KCNMA1: variants seen among roughly 807,000 people sequenced by gnomAD.
The protein encoded by KCNMA1 is Calcium-activated potassium channel subunit alpha-1.
In KCNMA1, 29 loss-of-function variants were observed where a neutral mutation model predicts 140.0. That is an observed-to-expected ratio of 0.21 (90% CI 0.15 to 0.28). The LOEUF is 0.28. Ranked by LOEUF, KCNMA1 falls within the 10% of genes least tolerant of loss-of-function variation. The pLI is 1.00. For synonymous variants in KCNMA1, 612 were observed against 611.9 expected (o/e 1.00, Z 0.00); for missense variants, 880 against 1,602.2 (o/e 0.55, Z 7.70).
chr10:77,103,122 A>G (rs573119403), intron 9 of KCNMA1, among the ~76,000 whole-genome samples: 2 of 152,222 alleles, frequency 1.3e-5, no homozygotes, highest in Non-Finnish European at 2.9e-5. Context: ...ATACTCAATT[A>G]TTTCTTCTAA....
At chr10:77,265,897 A>G (rs2063292963) in intron 2 of KCNMA1, among the ~76,000 whole-genome samples, 1 of 152,162 alleles carries the variant, frequency 6.6e-6, no homozygotes, top group Non-Finnish European at 1.5e-5. Context: ...CCTGGGCAAC[A>G]TGGTGAAATC....
chr10:77,315,336 T>C (rs1205746827), intron 2 of KCNMA1: 1 of 152,178 alleles, frequency 6.6e-6, no homozygotes, highest in Non-Finnish European at 1.5e-5. Flanking sequence ...GCAAGCTCAT[T>C]GAGAAAAGAC....
chr10:77,392,698 G>A (rs1393483578), intron 2 of KCNMA1, among the ~76,000 whole-genome samples: 1 of 152,218 alleles, frequency 6.6e-6, no homozygotes, highest in African/African-American at 2.4e-5. Context: ...TGCCTCGCAT[G>A]TGCAGTAGAA....
In KCNMA1 at chr10:76,970,023, G is replaced by A. The variant is rs1300891541; in HGVS notation, c.2311C>T (p.Arg771Trp). The A allele has an allele frequency of 1.2e-6, 2 of 1,613,950 alleles. No individual in the cohort carries two copies. The highest frequency in any genetic ancestry group is 1.7e-5 in the Admixed American group (1 of 60,008). ...PSTLSPKKKQRNGGMRNSPNT... is the reference protein window; with the variant it reads ...PSTLSPKKKQWNGGMRNSPNT... Reference sequence around the variant, plus strand: ...GGTGAGTTCCGCATGCCTCCATTCCGTTGCTTTTTTTTTGGTGATAGTGTT... The same window carrying A: ...GGTGAGTTCCGCATGCCTCCATTCCATTGCTTTTTTTTTGGTGATAGTGTT... The change falls in exon 20 of 28, where the codon CGG becomes TGG. Residue 771 changes from arginine to tryptophan, a missense_variant. Arg to Trp is a moderately radical substitution (Grantham distance 101, BLOSUM62 -3). Coordinates refer to ENST00000286628, the MANE Select transcript of KCNMA1 (RefSeq NM_001161352.2).
At chr10:77,019,156 TA>T in intron 16 of KCNMA1, 57 bp from the exon 17 acceptor site, 1 of 963,966 alleles carries the variant, frequency 1.0e-6, no homozygotes, top group Non-Finnish European at 1.7e-6. Flanking sequence ...ATGTTCTGAA[TA>T]AAACCTTGAA....
At chr10:77,297,378 T>A (rs552523445) in intron 2 of KCNMA1, among the ~76,000 whole-genome samples, 1 of 152,192 alleles carries the variant, frequency 6.6e-6, no homozygotes, top group Non-Finnish European at 1.5e-5. Flanking sequence ...GCTAAAGATA[T>A]AACAGAAAAA....
chr10:77,473,468 T>C (rs960745285), intron 1 of KCNMA1, among the ~76,000 whole-genome samples: 7 of 152,252 alleles, frequency 4.6e-5, no homozygotes, highest in African/African-American at 1.4e-4. Context: ...AGATGTATTC[T>C]GTCCATCCCC....
chr10:77,141,147 G>A (rs908878571), intron 5 of KCNMA1, among the ~76,000 whole-genome samples: 1 of 152,142 alleles, frequency 6.6e-6, no homozygotes, highest in Admixed American at 6.5e-5. Context: ...ACAGGACTGA[G>A]GAAGAAGAGG....
chr10:76,956,544 T>A (rs1565178733), intron 20 of KCNMA1, among the ~76,000 whole-genome samples: 1 of 152,220 alleles, frequency 6.6e-6, no homozygotes, highest in Non-Finnish European at 1.5e-5. Context: ...ATTCTAACTT[T>A]GGTTTATTGA....
intron 2 of KCNMA1, among the ~76,000 whole-genome samples, chr10:77,317,648 C>T (rs1372807254): frequency 6.6e-6 from 1 of 152,184 alleles, no homozygotes; most frequent in African/African-American, 2.4e-5. Context: ...TTTATTAGCC[C>T]CATAGCAGCC....
At chr10:77,275,044 C>A (rs932263861) in intron 2 of KCNMA1, among the ~76,000 whole-genome samples, 1 of 152,190 alleles carries the variant, frequency 6.6e-6, no homozygotes, top group Admixed American at 6.5e-5. Flanking sequence ...GCTTTTAGTG[C>A]AAAACCTTGG....
intron 3 of KCNMA1, among the ~76,000 whole-genome samples, chr10:77,193,315 C>T (rs2039244511): frequency 6.6e-6 from 1 of 152,106 alleles, no homozygotes; most frequent in African/African-American, 2.4e-5. Flanking sequence ...TTCATATTTG[C>T]CAGCAACTTC....
At chr10:77,331,633 G>A (rs1257622534) in intron 2 of KCNMA1, among the ~76,000 whole-genome samples, 2 of 131,990 alleles carry the variant, frequency 1.5e-5, no homozygotes, top group Admixed American at 1.6e-4. Context: ...GCATGGGCCT[G>A]TCTCTACAAA....
chr10:76,974,465 A>G, intron 19 of KCNMA1: 1 of 1,411,372 alleles, frequency 7.1e-7, no homozygotes, highest in Non-Finnish European at 9.8e-7. Context: ...AAAAATGGGA[A>G]TGGGTCCCAG....
At chr10:77,052,099 A>G (rs1422404408) in intron 14 of KCNMA1, among the ~76,000 whole-genome samples, 1 of 152,210 alleles carries the variant, frequency 6.6e-6, no homozygotes, top group African/African-American at 2.4e-5. Context: ...TGCCAATTAG[A>G]TGTGGGGCCT....
At chr10:77,451,158 C>CG (rs2097649149) in intron 1 of KCNMA1, among the ~76,000 whole-genome samples, 1 of 152,220 alleles carries the variant, frequency 6.6e-6, no homozygotes, top group African/African-American at 2.4e-5. Flanking sequence ...ACAAGCCCTA[C>CG]TGGCTTAGCC....
At chr10:77,447,044 G>A (rs2097542362) in intron 1 of KCNMA1, among the ~76,000 whole-genome samples, 1 of 152,202 alleles carries the variant, frequency 6.6e-6, no homozygotes, top group African/African-American at 2.4e-5. Flanking sequence ...AAGGACTTGA[G>A]GCCCAGCTTC....
chr10:77,391,110 C>A (rs1470714414), intron 2 of KCNMA1, among the ~76,000 whole-genome samples: 1 of 152,180 alleles, frequency 6.6e-6, no homozygotes, highest in African/African-American at 2.4e-5. Context: ...CGATCCTTTG[C>A]GTTAACCTGC....
intron 1 of KCNMA1, among the ~76,000 whole-genome samples, chr10:77,608,975 AC>A (rs1291245130): frequency 6.6e-6 from 1 of 152,206 alleles, no homozygotes; most frequent in East Asian, 1.9e-4. Context: ...AGAAAAGAGA[AC>A]CCTGTTACAC....
Sources: allele counts gnomAD v4.1 joint callset (sites outside exome capture counted in the v4.1 genomes callset), GRCh38; gene constraint gnomAD v4.1.1; transcripts MANE v1.5; gene names NCBI Gene and HGNC (gene_info 2026-07-23, HGNC 2026-07-21).